MED15: variants seen among roughly 807,000 people sequenced by gnomAD.
MED15 encodes the protein mediator complex subunit 15, also known as mediator of RNA polymerase II transcription subunit 15.
Under a neutral mutation model 118.7 loss-of-function variants are expected in MED15, and 41 were observed. The observed-to-expected ratio is 0.35, with a 90% confidence interval of 0.27 to 0.45. The LOEUF is 0.45. Among genes scored for constraint, MED15 ranks in the 20% least tolerant of loss-of-function variants. The probability of loss-of-function intolerance (pLI) is 1.00; values close to 1 mark genes in which losing one functional copy is unlikely to be tolerated. For missense variants in MED15, 740 were observed against 1,025.5 expected, an observed-to-expected ratio of 0.72 and a Z score of 3.80; for synonymous variants, 436 against 413.9, an observed-to-expected ratio of 1.05 and a Z score of -0.65.
intron 2 of MED15, among the ~76,000 whole-genome samples, chr22:20,537,411 C>A (rs891472281): frequency 6.6e-6 from 1 of 152,126 alleles, no homozygotes; most frequent in Non-Finnish European, 1.5e-5. Context: ...GGTTGCAGGC[C>A]CAGCCTCTGG....
chr22:20,554,460 G>GT (rs1445276612), intron 4 of MED15: 2 of 153,936 alleles, frequency 1.3e-5, no homozygotes, highest in Non-Finnish European at 2.9e-5. Context: ...CCCAGGCTGA[G>GT]TTGGACTCTG....
chr22:20,561,537 A>T (rs1372931188), intron 5 of MED15, among the ~76,000 whole-genome samples: 1 of 152,104 alleles, frequency 6.6e-6, no homozygotes. Flanking sequence ...AAAGGAAAGG[A>T]AAGACAAATA....
At chr22:20,583,824 C>T (rs555772133) in intron 13 of MED15, 5 of 234,698 alleles carry the variant, frequency 2.1e-5, no homozygotes, top group Admixed American at 1.0e-4. Flanking sequence ...AACAAGGTGG[C>T]GCTGGTGAGA....
At chr22:20,555,650 A>G (rs2055969653) in intron 5 of MED15, among the ~76,000 whole-genome samples, 1 of 152,246 alleles carries the variant, frequency 6.6e-6, no homozygotes, top group Non-Finnish European at 1.5e-5. Flanking sequence ...GTGGTGGGAA[A>G]CTGGGCTGTG....
At chr22:20,543,365 C>G (rs904190250) in intron 2 of MED15, among the ~76,000 whole-genome samples, 5 of 150,870 alleles carry the variant, frequency 3.3e-5, no homozygotes, top group Middle Eastern at 3.4e-3. Context: ...GTGCCCACCA[C>G]CACACCCAGC....
In MED15 at chr22:20,587,208, C is replaced by T. The variant is rs1373197312; in HGVS notation, c.*504C>T. ...GCACCCCCCGAGGAAGCCTGCAAGT[C>T]CAGGGCACAGGCTGCCTTTTGGAGG... On this transcript the variant is annotated 3_prime_UTR_variant, in exon 18 of 18. Coordinates refer to ENST00000263205, the MANE Select transcript of MED15 (RefSeq NM_001003891.3). 3.1e-5 allele frequency: 5 copies of T among 161,136 alleles called. No homozygotes were observed. The highest frequency in any genetic ancestry group is 2.3e-4 in the Admixed American group (4 of 17,194). The allele number at this position is 161,136 out of a possible 1,614,324, so 10.0% of individuals were successfully genotyped here.
intron 13 of MED15, chr22:20,583,932 T>G (rs1007466580): frequency 1.2e-5 from 3 of 241,232 alleles, no homozygotes; most frequent in African/African-American, 2.2e-5. Context: ...ATACCTCCCT[T>G]TCACCTCAAC....
chr22:20,581,468 G>C (rs899687065), intron 9 of MED15, among the ~76,000 whole-genome samples: 14 of 152,206 alleles, frequency 9.2e-5, no homozygotes, highest in African/African-American at 3.1e-4. Flanking sequence ...AGTGCCCCAG[G>C]AGAAGCACTG....
At chr22:20,530,733 A>T (rs911247665) in intron 1 of MED15, among the ~76,000 whole-genome samples, 1 of 151,524 alleles carries the variant, frequency 6.6e-6, no homozygotes, top group African/African-American at 2.4e-5. Context: ...TTCATGCCTC[A>T]TCAACATGCC....
chr22:20,579,307 C>T (rs1041547561), intron 9 of MED15, among the ~76,000 whole-genome samples: 2 of 152,194 alleles, frequency 1.3e-5, no homozygotes, highest in African/African-American at 2.4e-5. Context: ...CCACCACTGA[C>T]ACCTGGGCAC....
Position 20,555,256 on chromosome 22 carries a change from C to A in MED15, c.451+108C>A, listed in dbSNP as rs1427277223. On this transcript the variant is annotated intron_variant, in intron 5 of 17. Coordinates refer to ENST00000263205, the MANE Select transcript of MED15 (RefSeq NM_001003891.3). ...AGAAAAGCATGGAGAAGCTCCAAAT[C>A]GCTCTGGTTTTTTTGTTTTTTAAAT... 21 of 1,204,646 alleles carry A rather than the reference C, an allele frequency of 1.7e-5. No individual in the cohort carries two copies. In the East Asian group the frequency reaches 4.4e-4, roughly 25 times the overall value. The allele number at this position is 1,204,646 out of a possible 1,614,324, so 74.6% of individuals were successfully genotyped here.
chr22:20,568,750 A>G, intron 8 of MED15, 119 bp downstream of exon 8: 1 of 1,477,958 alleles, frequency 6.8e-7, no homozygotes, highest in East Asian at 2.5e-5. Context: ...TTGGTAAAGC[A>G]GGGGCTTCTC....
chr22:20,515,227 T>C (rs939017704), intron 1 of MED15, among the ~76,000 whole-genome samples: 21 of 152,092 alleles, frequency 1.4e-4, no homozygotes, highest in Non-Finnish European at 2.4e-4. Context: ...GTTGCAGGAG[T>C]TGACAGATGT....
At position 20,585,172 on chromosome 22, in the gene MED15, A is replaced by C. The variant is rs2057097573; in HGVS notation, c.2036A>C (p.Gln679Pro). The C allele has an allele frequency of 6.2e-7, 1 of 1,613,808 alleles. No homozygotes were observed. Among genetic ancestry groups the C allele is most frequent in the African/African-American group, 1.3e-5 (1 of 75,062 alleles). Reference protein sequence around the residue: ...DERQSIPSVLQGEVARLDPKF... With the variant: ...DERQSIPSVLPGEVARLDPKF... ...CGGCAGAGCATCCCCAGTGTGCTCC[A>C]GGGTGAGGTGGCCAGGCTGGACCCC... Residue 679 changes from glutamine to proline, a missense_variant, in exon 16 of 18, where the codon CAG (glutamine) becomes CCG (proline). By Grantham distance (76) the Gln-to-Pro change is moderately conservative (BLOSUM62 -1). Around this residue, in one of 7 missense-constraint regions of MED15, gnomAD observed 179 missense variants for 259.0 expected, o/e 0.69. Coordinates refer to ENST00000263205, the MANE Select transcript of MED15 (RefSeq NM_001003891.3).
At chr22:20,549,272 T>C (rs1281617639) in intron 2 of MED15, among the ~76,000 whole-genome samples, 2 of 152,144 alleles carry the variant, frequency 1.3e-5, no homozygotes, top group African/African-American at 4.8e-5. Flanking sequence ...TGATGTTCAT[T>C]GTTTATGGTT....
intron 2 of MED15, among the ~76,000 whole-genome samples, chr22:20,543,627 G>A (rs9608082): frequency 0.68 from 102,677 of 150,758 alleles, 35,336 homozygotes; most frequent in Admixed American, 0.78. Flanking sequence ...GCGCGATCTC[G>A]GCTCATTGCA....
chr22:20,554,549 G>A (rs949489644), intron 4 of MED15: 16 of 167,136 alleles, frequency 9.6e-5, no homozygotes, highest in Non-Finnish European at 1.4e-4. Context: ...CTGTGTTACC[G>A]CTTGCTCAGA....
At chr22:20,552,002 A>C (rs915054392) in intron 3 of MED15, among the ~76,000 whole-genome samples, 1 of 152,164 alleles carries the variant, frequency 6.6e-6, no homozygotes, top group Non-Finnish European at 1.5e-5. Flanking sequence ...CAGAGGGCCC[A>C]GTGTGGTTCT....
chr22:20,585,627 C>A, intron 16 of MED15, 101 bp from the exon 17 acceptor site: 1 of 1,133,084 alleles, frequency 8.8e-7, no homozygotes, highest in Non-Finnish European at 1.3e-6. Context: ...ACAAGCTTCA[C>A]CAGAACCTCC....
Sources: allele counts gnomAD v4.1 joint callset (sites outside exome capture counted in the v4.1 genomes callset), GRCh38; gene constraint gnomAD v4.1.1; regional missense constraint gnomAD v4.1.1; transcripts MANE v1.5; gene names NCBI Gene and HGNC (gene_info 2026-07-23, HGNC 2026-07-21).